The following USP47 variants were observed in gnomAD, a reference collection of about 807,000 sequenced individuals.
USP47 encodes ubiquitin specific peptidase 47.
A neutral mutation model predicts 165.1 loss-of-function variants in USP47; 35 were observed. The observed-to-expected ratio is 0.21, with a 90% confidence interval of 0.16 to 0.28. The LOEUF (loss-of-function observed/expected upper bound fraction) is 0.28, where lower values mean the gene tolerates loss of function less well. USP47 is among the 10% of genes least tolerant of loss of function. The pLI is 1.00. For synonymous variants in USP47, 531 were observed against 544.5 expected (o/e 0.98, Z 0.35); for missense variants, 1,277 against 1,607.4 (o/e 0.79, Z 3.52).
chr11:11,903,022 A>T (rs957382495), intron 6 of USP47, among the ~76,000 whole-genome samples, 162 bp downstream of exon 6: 6 of 152,220 alleles, frequency 3.9e-5, no homozygotes, highest in Non-Finnish European at 8.8e-5. Context: ...TACAATGAAA[A>T]ATAACAAACA....
At chr11:11,848,828 C>T (rs1848571720) in intron 1 of USP47, among the ~76,000 whole-genome samples, 1 of 152,146 alleles carries the variant, frequency 6.6e-6, no homozygotes, top group East Asian at 1.9e-4. Context: ...CCAGGATGGT[C>T]TTGATCTCTT....
At chr11:11,898,893 A>G (rs1442478393) in intron 5 of USP47, among the ~76,000 whole-genome samples, 1 of 152,212 alleles carries the variant, frequency 6.6e-6, no homozygotes, top group Non-Finnish European at 1.5e-5. Context: ...TTTGTATCAG[A>G]TAGTGTTCCG....
At chr11:11,916,187 G>T (rs1421547645) in intron 8 of USP47, among the ~76,000 whole-genome samples, 1 of 152,098 alleles carries the variant, frequency 6.6e-6, no homozygotes, top group Non-Finnish European at 1.5e-5. Context: ...GGTGGCTCAC[G>T]CCTGTAATCC....
chr11:11,902,883 A>G, intron 6 of USP47, 23 bp downstream of exon 6: 1 of 1,530,254 alleles, frequency 6.5e-7, no homozygotes, highest in Non-Finnish European at 8.7e-7. Context: ...TTGTAATGAT[A>G]AGCGTTCTAA....
intron 1 of USP47, among the ~76,000 whole-genome samples, chr11:11,850,896 A>G (rs1362914197): frequency 6.6e-6 from 1 of 152,198 alleles, no homozygotes; most frequent in Non-Finnish European, 1.5e-5. Context: ...GTGTCCTCAC[A>G]TGGTGGAAGG....
chr11:11,849,974 G>A (rs1348200968), intron 1 of USP47, among the ~76,000 whole-genome samples: 2 of 152,136 alleles, frequency 1.3e-5, no homozygotes, highest in Non-Finnish European at 2.9e-5. Flanking sequence ...CTGTGTCGAT[G>A]TTGAGATCAG....
At chr11:11,873,066 A>T (rs1036875325) in intron 1 of USP47, among the ~76,000 whole-genome samples, 2 of 152,194 alleles carry the variant, frequency 1.3e-5, no homozygotes, top group Admixed American at 1.3e-4. Flanking sequence ...ACTGGAGAAG[A>T]TGAGATGAGA....
At chr11:11,900,462 T>G (rs1217451882) in intron 5 of USP47, among the ~76,000 whole-genome samples, 1 of 152,090 alleles carries the variant, frequency 6.6e-6, no homozygotes, top group African/African-American at 2.4e-5. Context: ...GCCCGGCCTA[T>G]TTTCTTCACT....
At chr11:11,909,840 T>C (rs1182785802) in intron 8 of USP47, among the ~76,000 whole-genome samples, 1 of 152,234 alleles carries the variant, frequency 6.6e-6, no homozygotes, top group Non-Finnish European at 1.5e-5. Flanking sequence ...GAATGGAAAA[T>C]TGTGAAATTA....
intron 5 of USP47, among the ~76,000 whole-genome samples, chr11:11,900,361 C>A (rs765480379): frequency 4.6e-5 from 7 of 151,818 alleles, no homozygotes; most frequent in Admixed American, 3.9e-4. Context: ...GGGGTTTCAC[C>A]GTGTTAGCCA....
At chr11:11,882,068 A>G (rs1166347132) in intron 2 of USP47, among the ~76,000 whole-genome samples, 1 of 152,122 alleles carries the variant, frequency 6.6e-6, no homozygotes, top group Non-Finnish European at 1.5e-5. Flanking sequence ...TTCACCCTAC[A>G]TAATAGTTAG....
chr11:11,900,154 CTTTTTTT>C (rs1042565841), intron 5 of USP47, among the ~76,000 whole-genome samples: 4 of 99,078 alleles, frequency 4.0e-5, no homozygotes, highest in African/African-American at 4.2e-5. Flanking sequence ...ATTTTCTTCA[CTTTTTTT>C]TTTTTTTTTT....
Position 11,950,306 on chromosome 11 carries a change from A to G in USP47, c.3465-58A>G, listed in dbSNP as rs532681444. Reference sequence around the variant, plus strand: ...TTTCTTTGGTGTCAGATTAGTGTCAATCTTTAAATTGAGAGTTTCAAATTA... The same window carrying G: ...TTTCTTTGGTGTCAGATTAGTGTCAGTCTTTAAATTGAGAGTTTCAAATTA... On this transcript the variant is annotated intron_variant, in intron 23 of 27. Transcript: ENST00000527733. The G allele has an allele frequency of 4.5e-5, 54 of 1,210,546 alleles. 1 individual carries two copies. Among genetic ancestry groups the G allele is most frequent in the Admixed American group, 2.2e-4 (9 of 40,974 alleles). 75.0% of individuals were successfully genotyped at this position (1,210,546 alleles called of 1,614,324 possible). A position where few individuals can be genotyped will look rare whatever the true frequency, so the allele number is the denominator to read the frequency against.
Position 11,921,953 on chromosome 11 carries a change from C to G in USP47, c.1219-771C>G, listed in dbSNP as rs575172354. ...TAGTACCTACAACAAGAGTTCCTGG[C>G]AAAAAGTTTGTGCTTATTGTATATT... is the stretch of plus-strand genomic sequence containing the variant. On this transcript the variant is annotated intron_variant, in intron 10 of 27. Transcript: ENST00000527733. 3.5e-4 allele frequency among the ~76,000 whole-genome samples: 53 copies of G among 151,902 alleles called. 1 individual carries two copies. In the South Asian group the frequency reaches 0.011, roughly 32 times the overall value.
intron 3 of USP47, among the ~76,000 whole-genome samples, chr11:11,886,441 G>A (rs1590303536): frequency 6.6e-6 from 1 of 152,254 alleles, no homozygotes; most frequent in South Asian, 2.1e-4. Context: ...GAACTTTACA[G>A]TGCAATGACA....
chr11:11,850,044 G>C (rs1848638380), intron 1 of USP47, among the ~76,000 whole-genome samples: 1 of 149,816 alleles, frequency 6.7e-6, no homozygotes, highest in Middle Eastern at 3.2e-3. Context: ...TTGCGAGCTA[G>C]AGAGAGAATC....
intron 1 of USP47, among the ~76,000 whole-genome samples, chr11:11,860,692 C>T (rs1204046805): frequency 6.6e-6 from 1 of 152,130 alleles, no homozygotes; most frequent in Non-Finnish European, 1.5e-5. Flanking sequence ...CAACAGCCTA[C>T]TCACAGAGGA....
At chr11:11,913,628 G>A (rs1302646205) in intron 8 of USP47, among the ~76,000 whole-genome samples, 3 of 152,002 alleles carry the variant, frequency 2.0e-5, no homozygotes, top group African/African-American at 4.8e-5. Flanking sequence ...GTTTGAGAGA[G>A]GCGGGGATAA....
In USP47 at chr11:11,904,928, A is replaced by G. The variant is rs185422382; in HGVS notation, c.820-471A>G. ...GAGGATATGATTTATACATCAGAAT[A>G]TATTATTGTGAGAAGTGATATACAT... is the stretch of plus-strand genomic sequence containing the variant. On this transcript the variant is annotated intron_variant, in intron 7 of 27. Coordinates refer to ENST00000527733, the MANE Select transcript of USP47 (RefSeq NM_001282659.2). Among the ~76,000 whole-genome samples the G allele has an allele frequency of 1.4e-3, 214 of 152,308 alleles. 2 individuals carry two copies. The highest frequency in any genetic ancestry group is 4.5e-3 in the African/African-American group (189 of 41,578).
Sources: gnomAD v4.1 joint callset for allele counts (sites outside exome capture counted in the v4.1 genomes callset) on GRCh38, gnomAD v4.1.1 for gene constraint, MANE v1.5 for transcripts, NCBI Gene and HGNC (gene_info 2026-07-23, HGNC 2026-07-21) for gene names.